Variants in UBL3 observed in about 807,000 individuals in gnomAD.
UBL3 encodes the protein ubiquitin-like protein 3.
In UBL3, 6 loss-of-function variants were observed where a neutral mutation model predicts 18.4. The observed-to-expected ratio is 0.33, with a 90% confidence interval of 0.18 to 0.64. UBL3 has a LOEUF of 0.64. UBL3 is among the 30% of genes least tolerant of loss of function. The pLI, the probability that UBL3 is intolerant of heterozygous loss-of-function variation, is 0.76. For synonymous variants in UBL3, 49 were observed against 46.6 expected (o/e 1.05, Z -0.21); for missense variants, 109 against 142.9 (o/e 0.76, Z 1.21).
rs568883139 is a variant in UBL3 at position 29,805,472 on chromosome 13, A to G, written c.28-28209T>C. On this transcript the variant is annotated intron_variant, in intron 1 of 4. Coordinates refer to ENST00000380680, the MANE Select transcript of UBL3 (RefSeq NM_007106.4). Reference sequence around the variant, plus strand: ...TATGTCTGTCCTCTGGGATGAAAGCATGGGCATCTCCACTTAGAAAACGGC... The same window carrying G: ...TATGTCTGTCCTCTGGGATGAAAGCGTGGGCATCTCCACTTAGAAAACGGC... 6.0e-3 allele frequency among the ~76,000 whole-genome samples: 914 copies of G among 152,312 alleles called. 10 individuals carry two copies. The highest frequency in any genetic ancestry group is 0.01 in the Middle Eastern group (3 of 294).
At chr13:29,780,081 G>A (rs1054172369) in intron 1 of UBL3, among the ~76,000 whole-genome samples, 3 of 151,920 alleles carry the variant, frequency 2.0e-5, no homozygotes, top group East Asian at 1.9e-4. Context: ...TAAACCAGGC[G>A]CGGTGGCTCA....
intron 2 of UBL3, among the ~76,000 whole-genome samples, chr13:29,774,029 T>C (rs555256323): frequency 2.0e-5 from 3 of 152,320 alleles, no homozygotes; most frequent in Admixed American, 1.3e-4. Flanking sequence ...AAGTATTTTA[T>C]GTAAAATAAA....
chr13:29,764,855 G>A lies in UBL3; in HGVS notation c.*2400C>T, dbSNP rs908800283. The stretch of plus-strand genomic sequence containing the variant: ...TCTTCAAAAGTAGCCTTGGATATGA[G>A]GAATCGTATTTTAACCACCAGGCAG... On this transcript the variant is annotated 3_prime_UTR_variant, in exon 5 of 5. Transcript: ENST00000380680. 1 of 152,160 alleles carries A rather than the reference G, an allele frequency of 6.6e-6. No individual in the cohort carries two copies. The highest frequency in any genetic ancestry group is 2.4e-5 in the African/African-American group (1 of 41,438). 9.4% of individuals were successfully genotyped at this position (152,160 alleles called of 1,614,324 possible). A position where few individuals can be genotyped will look rare whatever the true frequency, so the allele number is the denominator to read the frequency against.
At chr13:29,822,772 T>TG (rs5802532) in intron 1 of UBL3, among the ~76,000 whole-genome samples, 65,144 of 152,006 alleles carry the variant, frequency 0.43, 15,057 homozygotes, top group African/African-American at 0.62. Context: ...TACTATCCTG[T>TG]GAAAAACTCA....
chr13:29,821,163 A>T (rs2139349390), intron 1 of UBL3, among the ~76,000 whole-genome samples: 1 of 152,362 alleles, frequency 6.6e-6, no homozygotes, highest in Admixed American at 6.5e-5. Flanking sequence ...CTATTAAAAA[A>T]TAACACAAAG....
intron 1 of UBL3, among the ~76,000 whole-genome samples, chr13:29,848,263 G>A (rs1487141859): frequency 8.6e-6 from 1 of 116,050 alleles, no homozygotes; most frequent in African/African-American, 3.4e-5. Flanking sequence ...GGCCAACATG[G>A]TGAAACCCTG....
chr13:29,780,367 A>AAAAAAAAT (rs1359464345), intron 1 of UBL3, among the ~76,000 whole-genome samples: 57 of 103,290 alleles, frequency 5.5e-4, no homozygotes, highest in East Asian at 3.8e-3. Flanking sequence ...AAAAAAAAAA[A>AAAAAAAAT]ATATATATAT....
chr13:29,801,888 A>C (rs1255228931), intron 1 of UBL3, among the ~76,000 whole-genome samples: 2 of 152,202 alleles, frequency 1.3e-5, no homozygotes, highest in African/African-American at 4.8e-5. Context: ...CCAAGAGGCA[A>C]GTGAAAGGCC....
intron 1 of UBL3, among the ~76,000 whole-genome samples, chr13:29,821,516 G>GT (rs1438254939): frequency 2.0e-5 from 3 of 152,096 alleles, no homozygotes; most frequent in East Asian, 3.9e-4. Flanking sequence ...AACCTCTAAA[G>GT]TAAGATCGGG....
intron 1 of UBL3, among the ~76,000 whole-genome samples, chr13:29,844,942 AT>A (rs5802534): frequency 0.97 from 147,640 of 152,118 alleles, 71,711 homozygotes; most frequent in Non-Finnish European, 1. Context: ...AACAATATTT[AT>A]TTTTTTCTGT....
At chr13:29,787,522 T>C (rs1317267597) in intron 1 of UBL3, among the ~76,000 whole-genome samples, 1 of 152,196 alleles carries the variant, frequency 6.6e-6, no homozygotes, top group Non-Finnish European at 1.5e-5. Flanking sequence ...TTCAAAATCC[T>C]GTAAGCTTAC....
intron 1 of UBL3, among the ~76,000 whole-genome samples, chr13:29,828,345 T>C (rs2761932): frequency 0.1 from 15,499 of 152,254 alleles, 968 homozygotes; most frequent in African/African-American, 0.17. Context: ...TCTATTCACA[T>C]AGTCCCGTAT....
rs189854839 is a variant in UBL3 at position 29,835,151 on chromosome 13, T to A, written c.27+14361A>T. On this transcript the variant is annotated intron_variant, in intron 1 of 4. Transcript: ENST00000380680. ...ATATATATATATATATATATATATA[T>A]ATATATATATATATATATATATATA... 8.1e-3 allele frequency among the ~76,000 whole-genome samples: 202 copies of A among 25,088 alleles called. 2 individuals carry two copies. Among genetic ancestry groups the A allele is most frequent in the Non-Finnish European group, 0.011 (156 of 13,756 alleles). The allele number at this position is 25,088 out of a possible 152,430, so 16.5% of individuals were successfully genotyped here.
At chr13:29,797,999 G>GTT (rs74542319) in intron 1 of UBL3, among the ~76,000 whole-genome samples, 6 of 146,634 alleles carry the variant, frequency 4.1e-5, no homozygotes, top group Non-Finnish European at 6.0e-5. Flanking sequence ...TCACAATGTA[G>GTT]TTTTTTTTTT....
intron 1 of UBL3, among the ~76,000 whole-genome samples, chr13:29,815,871 T>C (rs2139344696): frequency 6.6e-6 from 1 of 152,302 alleles, no homozygotes; most frequent in African/African-American, 2.4e-5. Flanking sequence ...CTACCTCAAC[T>C]TGAGAACAGC....
intron 1 of UBL3, among the ~76,000 whole-genome samples, chr13:29,827,578 C>A (rs1446506993): frequency 6.6e-6 from 1 of 152,164 alleles, no homozygotes; most frequent in African/African-American, 2.4e-5. Flanking sequence ...TGTGTCTCTG[C>A]ACATGAGATG....
At chr13:29,843,836 C>T (rs1006283784) in intron 1 of UBL3, among the ~76,000 whole-genome samples, 12 of 144,376 alleles carry the variant, frequency 8.3e-5, no homozygotes, top group African/African-American at 2.6e-4. Flanking sequence ...TTTAAAATGT[C>T]GATTTTGCCT....
At chr13:29,829,676 G>A (rs554346291) in intron 1 of UBL3, among the ~76,000 whole-genome samples, 188 of 152,142 alleles carry the variant, frequency 1.2e-3, no homozygotes, top group Non-Finnish European at 2.2e-3. Flanking sequence ...GCTCACGCTC[G>A]GTGGGCTGCA....
At chr13:29,833,559 T>C (rs1011740720) in intron 1 of UBL3, among the ~76,000 whole-genome samples, 3 of 152,142 alleles carry the variant, frequency 2.0e-5, no homozygotes, top group Non-Finnish European at 2.9e-5. Context: ...CTGCCTACAA[T>C]ATAATTCCCT....
Sources: gnomAD v4.1 joint callset for allele counts (sites outside exome capture counted in the v4.1 genomes callset) on GRCh38, gnomAD v4.1.1 for gene constraint, MANE v1.5 for transcripts, NCBI Gene and HGNC (gene_info 2026-07-23, HGNC 2026-07-21) for gene names.